The following SYT1 variants were observed in gnomAD, a reference collection of about 807,000 sequenced individuals.
SYT1 encodes synaptotagmin 1.
SYT1 carries 8 observed loss-of-function variants against 44.8 expected under a neutral mutation model. The observed-to-expected ratio is 0.18, with a 90% CI of 0.10 to 0.32. The LOEUF (loss-of-function observed/expected upper bound fraction) is 0.32, where lower values mean the gene tolerates loss of function less well. Among genes scored for constraint, SYT1 ranks in the 10% least tolerant of loss-of-function variants. SYT1 has a pLI of 1.00. For missense variants in SYT1, 286 were observed against 509.3 expected (o/e 0.56, Z 4.22); for synonymous variants, 154 against 188.8 (o/e 0.82, Z 1.51).
chr12:78,875,716 T>G (rs1320521414), intron 1 of SYT1, among the ~76,000 whole-genome samples: 1 of 151,772 alleles, frequency 6.6e-6, no homozygotes, highest in Non-Finnish European at 1.5e-5. Flanking sequence ...CTGTGTAATA[T>G]GTTTCCAGTG....
intron 9 of SYT1, among the ~76,000 whole-genome samples, chr12:79,435,288 G>C (rs1000451415): frequency 4.6e-5 from 7 of 152,222 alleles, no homozygotes; most frequent in African/African-American, 1.7e-4. Context: ...CTAAAATACA[G>C]GGACTGAAAA....
chr12:78,953,454 G>A (rs767816580), intron 1 of SYT1, among the ~76,000 whole-genome samples: 4 of 151,944 alleles, frequency 2.6e-5, no homozygotes, highest in Non-Finnish European at 5.9e-5. Flanking sequence ...AGAAGTATCC[G>A]AAGTGCATTT....
chr12:79,161,636 A>G (rs1484060560), intron 3 of SYT1, among the ~76,000 whole-genome samples: 1 of 152,176 alleles, frequency 6.6e-6, no homozygotes, highest in Non-Finnish European at 1.5e-5. Flanking sequence ...TTATAACTGC[A>G]TAACAGATAA....
At chr12:79,264,388 A>G (rs1878010879) in intron 4 of SYT1, among the ~76,000 whole-genome samples, 1 of 152,108 alleles carries the variant, frequency 6.6e-6, no homozygotes, top group Admixed American at 6.6e-5. Context: ...ATTCAGTGGA[A>G]ACGTGATAAA....
At chr12:78,982,423 GA>G (rs1440528231) in intron 2 of SYT1, among the ~76,000 whole-genome samples, 3 of 152,064 alleles carry the variant, frequency 2.0e-5, no homozygotes, top group South Asian at 2.1e-4. Context: ...ATAAGATTGG[GA>G]AAAAATAATT....
chr12:78,967,380 A>G (rs1868273329), intron 1 of SYT1, among the ~76,000 whole-genome samples: 5 of 152,210 alleles, frequency 3.3e-5, no homozygotes, highest in Admixed American at 3.3e-4. Context: ...TAAAGGCAAG[A>G]CATCAGTTAT....
In SYT1 at chr12:79,220,635, A is replaced by T. The variant is rs1294020007; in HGVS notation, c.166+2950A>T. On this transcript the variant is annotated intron_variant, in intron 4 of 10. Coordinates refer to ENST00000261205, the MANE Select transcript of SYT1 (RefSeq NM_005639.3). Reference sequence around the variant, plus strand: ...TTTTCTTTTTCATTTGTCTTAAGAAATTTTTTGTCTTCAAGAAATGTTTGT... The same window carrying T: ...TTTTCTTTTTCATTTGTCTTAAGAATTTTTTTGTCTTCAAGAAATGTTTGT... Among the ~76,000 whole-genome samples the T allele has an allele frequency of 2.0e-5, 3 of 151,954 alleles. No individual in the cohort carries two copies. The East Asian group carries it at 5.8e-4, about 29-fold the overall frequency.
chr12:79,179,998 A>G (rs1189159595), intron 3 of SYT1, among the ~76,000 whole-genome samples: 1 of 152,066 alleles, frequency 6.6e-6, no homozygotes, highest in Non-Finnish European at 1.5e-5. Flanking sequence ...GATTTTCCCC[A>G]ATATTATGCT....
At position 78,931,242 on chromosome 12, in the gene SYT1, G is replaced by GAAAGAAAGAAGGAAAGAAAGAAGGAAA. The variant is rs1565723511; in HGVS notation, c.-216-46557_-216-46556insAAAGAAAGAAGGAAAGAAAGAAGGAAA. 8.9e-5 allele frequency among the ~76,000 whole-genome samples: 2 copies of GAAAGAAAGAAGGAAAGAAAGAAGGAAA among 22,444 alleles called. 1 individual carries two copies. Among genetic ancestry groups the GAAAGAAAGAAGGAAAGAAAGAAGGAAA allele is most frequent in the African/African-American group, 3.4e-4 (2 of 5,812 alleles). 14.7% of individuals were successfully genotyped at this position (22,444 alleles called of 152,430 possible). A position where few individuals can be genotyped will look rare whatever the true frequency, so the allele number is the denominator to read the frequency against. On this transcript the variant is annotated intron_variant, in intron 1 of 10. Transcript: ENST00000261205. Reference sequence around the variant, plus strand: ...AAGAAAGAAAGAAAGAAAGAAAGAAGGAAGGAAGGAAGGAAGGAAGGAAGG... The same window carrying GAAAGAAAGAAGGAAAGAAAGAAGGAAA: ...AAGAAAGAAAGAAAGAAAGAAAGAAGAAAGAAAGAAGGAAAGAAAGAAGGAAAGAAGGAAGGAAGGAAGGAAGGAAGG...
rs777492102 is a variant in SYT1 at position 79,296,080 on chromosome 12, G to A, written c.486G>A (p.Gly162=). Residue 162 remains glycine (G), a synonymous_variant, in exon 7 of 11, where the codon GGG becomes GGA. Transcript: ENST00000261205. The part of the protein sequence containing the change: ...YDFQNNQLLV[G]IIQAAELPAL... ...GTCATTTATTTCAGCTGCTGGTAGG[G>A]ATCATTCAGGCTGCCGAACTGCCCG... 5.6e-6 allele frequency: 9 copies of A among 1,610,848 alleles called. No homozygotes were observed. The highest frequency in any genetic ancestry group is 7.6e-6 in the Non-Finnish European group (9 of 1,178,912).
In SYT1 at chr12:79,298,680, T is replaced by G. The variant is rs1879989604; in HGVS notation, c.643-704T>G. 3.9e-5 allele frequency among the ~76,000 whole-genome samples: 6 copies of G among 152,170 alleles called. No homozygotes were observed. In the South Asian group the frequency reaches 1.2e-3, roughly 31 times the overall value. ...CCCATAGCATCTGTCCCAGATATAT[T>G]TGAACAGCTGGAGAATTCATCAGTT... On this transcript the variant is annotated intron_variant, in intron 7 of 10. Coordinates refer to ENST00000261205, the MANE Select transcript of SYT1 (RefSeq NM_005639.3).
intron 1 of SYT1, among the ~76,000 whole-genome samples, chr12:78,912,752 GAC>G (rs1876413694): frequency 6.6e-6 from 1 of 151,856 alleles, no homozygotes. Flanking sequence ...GTGTTGGTAG[GAC>G]ATCTAAGTGT....
At chr12:79,253,579 A>G (rs1474816742) in intron 4 of SYT1, among the ~76,000 whole-genome samples, 1 of 151,424 alleles carries the variant, frequency 6.6e-6, no homozygotes, top group Non-Finnish European at 1.5e-5. Context: ...AATTAGGCCA[A>G]TTAATAATCC....
intron 1 of SYT1, among the ~76,000 whole-genome samples, chr12:78,870,297 A>C (rs1272445276): frequency 6.6e-6 from 1 of 152,070 alleles, no homozygotes; most frequent in Non-Finnish European, 1.5e-5. Context: ...TATCCACTTA[A>C]TTAAATTCAG....
chr12:78,969,473 G>T (rs1868324411), intron 1 of SYT1, among the ~76,000 whole-genome samples: 1 of 152,196 alleles, frequency 6.6e-6, no homozygotes, highest in South Asian at 2.1e-4. Flanking sequence ...TCTTGGTTGG[G>T]CTTCAGGAAT....
chr12:79,310,008 C>T (rs1182316876), intron 8 of SYT1, among the ~76,000 whole-genome samples: 8 of 152,170 alleles, frequency 5.3e-5, no homozygotes, highest in Non-Finnish European at 8.8e-5. Flanking sequence ...TGTGCAGAAG[C>T]TCTTCAGTTT....
intron 9 of SYT1, among the ~76,000 whole-genome samples, chr12:79,389,325 A>G (rs1400995026): frequency 6.6e-6 from 1 of 152,224 alleles, no homozygotes; most frequent in Admixed American, 6.5e-5. Flanking sequence ...AGCTATCTAT[A>G]CGTTCCCAGC....
chr12:78,962,847 C>A (rs1383216697), intron 1 of SYT1, among the ~76,000 whole-genome samples: 1 of 152,130 alleles, frequency 6.6e-6, no homozygotes, highest in Non-Finnish European at 1.5e-5. Flanking sequence ...CCCGGCTTAA[C>A]AATTTTTAAT....
At position 79,368,350 on chromosome 12, in the gene SYT1, A is replaced by G. The variant is rs188332192; in HGVS notation, c.928+14731A>G. On this transcript the variant is annotated intron_variant, in intron 9 of 10. Transcript: ENST00000261205. Reference sequence around the variant, plus strand: ...CTTTGCTATTGTGAATAGTGCCTCAATAAACATACGTGTGCATGTGTCTTT... The same window carrying G: ...CTTTGCTATTGTGAATAGTGCCTCAGTAAACATACGTGTGCATGTGTCTTT... Among the ~76,000 whole-genome samples the G allele has an allele frequency of 7.2e-5, 11 of 152,278 alleles. No individual in the cohort carries two copies. The East Asian group carries it at 1.4e-3, about 19-fold the overall frequency.
Sources: allele counts gnomAD v4.1 joint callset (sites outside exome capture counted in the v4.1 genomes callset), GRCh38; gene constraint gnomAD v4.1.1; transcripts MANE v1.5; gene names NCBI Gene and HGNC (gene_info 2026-07-23, HGNC 2026-07-21).